BRINP2: variants seen among roughly 807,000 people sequenced by gnomAD.
BRINP2 encodes the protein BMP/retinoic acid inducible neural specific 2.
BRINP2 carries 21 observed loss-of-function variants against 69.2 expected under a neutral mutation model. That is an observed-to-expected ratio of 0.30 (90% confidence interval 0.22 to 0.44). BRINP2 has a LOEUF of 0.44. Among genes scored for constraint, BRINP2 ranks in the 20% least tolerant of loss-of-function variants. The probability of loss-of-function intolerance (pLI) is 1.00; values close to 1 mark genes in which losing one functional copy is unlikely to be tolerated. For missense variants in BRINP2, 877 were observed against 986.0 expected (o/e 0.89, Z 1.48); for synonymous variants, 380 against 394.1 (o/e 0.96, Z 0.42).
intron 5 of BRINP2, among the ~76,000 whole-genome samples, chr1:177,275,580 G>A (rs1162345358): frequency 6.6e-6 from 1 of 152,152 alleles, no homozygotes; most frequent in Non-Finnish European, 1.5e-5. Context: ...CTCAATATGA[G>A]CACAAATGTT....
At chr1:177,238,177 T>C (rs1650087336) in intron 2 of BRINP2, among the ~76,000 whole-genome samples, 1 of 152,142 alleles carries the variant, frequency 6.6e-6, no homozygotes, top group African/African-American at 2.4e-5. Context: ...GACCCACGTA[T>C]GCAAAGGATT....
In BRINP2 at chr1:177,257,210, G is replaced by A; in HGVS notation, c.495G>A (p.Gln165=). 1 of 1,614,076 alleles carries A rather than the reference G, an allele frequency of 6.2e-7. No homozygotes were observed. The highest frequency in any genetic ancestry group is 8.5e-7 in the Non-Finnish European group (1 of 1,180,014). Residue 165 remains glutamine, a synonymous_variant, in exon 4 of 8, where the codon CAG becomes CAA. Coordinates refer to ENST00000361539, the MANE Select transcript of BRINP2 (RefSeq NM_021165.4). The stretch of plus-strand genomic sequence containing the variant: ...CCCTGACCATTTTTGTGGACAAGCA[G>A]AAACTGGGAAGAAAGACAGAGACAA... ...EESLTIFVDK[Q]KLGRKTETTG... is the part of the protein sequence containing the mutation.
chr1:177,223,765 G>T (rs1446519459), intron 1 of BRINP2, among the ~76,000 whole-genome samples: 3 of 152,106 alleles, frequency 2.0e-5, no homozygotes, highest in African/African-American at 7.2e-5. Flanking sequence ...TACCCTCACT[G>T]ATTTTAAGTC....
At chr1:177,217,027 C>A (rs1436349819) in intron 1 of BRINP2, among the ~76,000 whole-genome samples, 1 of 151,584 alleles carries the variant, frequency 6.6e-6, no homozygotes, top group Non-Finnish European at 1.5e-5. Flanking sequence ...TTTTGTATAC[C>A]TAGGTGTTGG....
intron 1 of BRINP2, among the ~76,000 whole-genome samples, chr1:177,211,322 T>C (rs1346610646): frequency 6.6e-6 from 1 of 152,170 alleles, no homozygotes; most frequent in Non-Finnish European, 1.5e-5. Flanking sequence ...ACAGGGAAGT[T>C]ATGCAAGACT....
rs150664972 is a variant in BRINP2 at position 177,230,107 on chromosome 1, G to A, written c.231G>A (p.Arg77=). The part of the protein sequence containing the change: ...RAQEYADFME[R]YRQGFTTRYR... ...AGGAGTATGCTGACTTCATGGAGCG[G>A]TACCGCCAGGGTTTCACCACCAGGT... Residue 77 remains arginine (R), a synonymous_variant, in exon 2 of 8, where the codon CGG becomes CGA. Transcript: ENST00000361539. 1.2e-6 allele frequency: 2 copies of A among 1,612,764 alleles called. No homozygotes were observed. The highest frequency in any genetic ancestry group is 1.7e-6 in the Non-Finnish European group (2 of 1,179,390).
intron 1 of BRINP2, among the ~76,000 whole-genome samples, chr1:177,191,986 A>C (rs1648610042): frequency 6.6e-6 from 1 of 152,236 alleles, no homozygotes; most frequent in African/African-American, 2.4e-5. Flanking sequence ...ATTTAACCTC[A>C]AATTAAAAAT....
intron 1 of BRINP2, among the ~76,000 whole-genome samples, chr1:177,213,797 T>C (rs2102312703): frequency 6.6e-6 from 1 of 152,286 alleles, no homozygotes. Context: ...CATTTCAGCC[T>C]TTTCTCCCAT....
At chr1:177,217,676 C>A (rs1311040336) in intron 1 of BRINP2, among the ~76,000 whole-genome samples, 1 of 152,094 alleles carries the variant, frequency 6.6e-6, no homozygotes, top group African/African-American at 2.4e-5. Context: ...AGTTAATCTA[C>A]CCCTATGATT....
chr1:177,206,094 G>A (rs557626068), intron 1 of BRINP2, among the ~76,000 whole-genome samples: 3 of 152,238 alleles, frequency 2.0e-5, no homozygotes, highest in African/African-American at 4.8e-5. Context: ...CCTGTGGAGC[G>A]GGCCACATGA....
At chr1:177,187,185 T>C (rs1018313464) in intron 1 of BRINP2, among the ~76,000 whole-genome samples, 1 of 152,058 alleles carries the variant, frequency 6.6e-6, no homozygotes, top group African/African-American at 2.4e-5. Flanking sequence ...CCCCAAATTT[T>C]GTGGCTTCTC....
intron 2 of BRINP2, among the ~76,000 whole-genome samples, chr1:177,238,206 TG>T (rs1650088200): frequency 6.6e-6 from 1 of 152,170 alleles, no homozygotes; most frequent in Non-Finnish European, 1.5e-5. Flanking sequence ...GCGAGGCCTG[TG>T]GTATAGTAAA....
intron 4 of BRINP2, among the ~76,000 whole-genome samples, chr1:177,265,092 G>C (rs1379119818): frequency 6.6e-6 from 1 of 152,120 alleles, no homozygotes; most frequent in African/African-American, 2.4e-5. Context: ...GCACGGTACT[G>C]GTACCAAAAC....
chr1:177,267,281 A>G (rs1387004136), intron 4 of BRINP2, among the ~76,000 whole-genome samples: 1 of 152,214 alleles, frequency 6.6e-6, no homozygotes, highest in Non-Finnish European at 1.5e-5. Context: ...TCATACTCCC[A>G]GGTTATTCTT....
intron 1 of BRINP2, among the ~76,000 whole-genome samples, chr1:177,181,538 G>A (rs1648247659): frequency 6.6e-6 from 1 of 152,226 alleles, no homozygotes; most frequent in Non-Finnish European, 1.5e-5. Flanking sequence ...GGGTTTACTG[G>A]AAGAGTGTGA....
At chr1:177,206,093 C>T (rs192003268) in intron 1 of BRINP2, among the ~76,000 whole-genome samples, 78 of 152,256 alleles carry the variant, frequency 5.1e-4, no homozygotes, top group African/African-American at 1.6e-3. Context: ...CCCTGTGGAG[C>T]GGGCCACATG....
intron 1 of BRINP2, 97 bp from the exon 2 acceptor site, chr1:177,229,704 G>C (rs1174017967): frequency 1.2e-6 from 1 of 816,522 alleles, no homozygotes; most frequent in South Asian, 2.4e-5. Context: ...CTAGCATAAA[G>C]GATTTCCGGA....
At chr1:177,192,784 C>T (rs1648629658) in intron 1 of BRINP2, among the ~76,000 whole-genome samples, 1 of 152,116 alleles carries the variant, frequency 6.6e-6, no homozygotes, top group African/African-American at 2.4e-5. Flanking sequence ...TGAACAAAGG[C>T]AAAATAGATC....
At chr1:177,219,240 TC>T (rs1649457902) in intron 1 of BRINP2, among the ~76,000 whole-genome samples, 1 of 152,150 alleles carries the variant, frequency 6.6e-6, no homozygotes, top group South Asian at 2.1e-4. Context: ...ACACATCATT[TC>T]CTCAATGCAG....
Sources: gnomAD v4.1 joint callset for allele counts (sites outside exome capture counted in the v4.1 genomes callset) on GRCh38, gnomAD v4.1.1 for gene constraint, MANE v1.5 for transcripts, NCBI Gene and HGNC (gene_info 2026-07-23, HGNC 2026-07-21) for gene names.